The following KIAA1958 variants were observed in gnomAD, a reference collection of about 807,000 sequenced individuals.
KIAA1958 encodes KIAA1958.
KIAA1958 carries 14 observed loss-of-function variants against 47.2 expected under a neutral mutation model. The observed-to-expected ratio is 0.30, with a 90% CI of 0.20 to 0.46. KIAA1958 has a LOEUF of 0.46. Ranked by LOEUF, KIAA1958 falls within the 20% of genes least tolerant of loss-of-function variation. The pLI, the probability that KIAA1958 is intolerant of heterozygous loss-of-function variation, is 1.00. For synonymous variants in KIAA1958, 354 were observed against 353.3 expected, an observed-to-expected ratio of 1.00 and a Z score of -0.02; for missense variants, 803 against 909.2, an observed-to-expected ratio of 0.88 and a Z score of 1.50.
At chr9:112,627,432 C>A (rs1354245656) in intron 2 of KIAA1958, among the ~76,000 whole-genome samples, 1 of 152,130 alleles carries the variant, frequency 6.6e-6, no homozygotes, top group Non-Finnish European at 1.5e-5. Context: ...TGTTGGCTAT[C>A]ATGGCTTATT....
At chr9:112,585,452 G>A (rs545606957) in intron 2 of KIAA1958, among the ~76,000 whole-genome samples, 1 of 152,256 alleles carries the variant, frequency 6.6e-6, no homozygotes, top group Non-Finnish European at 1.5e-5. Flanking sequence ...GGAGCCAGGA[G>A]AGTTGCTGCT....
intron 1 of KIAA1958, among the ~76,000 whole-genome samples, chr9:112,495,481 C>G (rs1174715434): frequency 1.3e-5 from 2 of 152,122 alleles, no homozygotes; most frequent in African/African-American, 2.4e-5. Context: ...CCATTGTACA[C>G]TCACTAGAAT....
intron 1 of KIAA1958, among the ~76,000 whole-genome samples, chr9:112,573,583 T>C (rs1835577062): frequency 6.6e-6 from 1 of 152,188 alleles, no homozygotes; most frequent in Non-Finnish European, 1.5e-5. Flanking sequence ...CTAAACCTCC[T>C]TTGTTGGCTC....
At chr9:112,639,294 C>T (rs1350970712) in intron 2 of KIAA1958, among the ~76,000 whole-genome samples, 1 of 152,170 alleles carries the variant, frequency 6.6e-6, no homozygotes, top group Non-Finnish European at 1.5e-5. Flanking sequence ...GACTCCAACA[C>T]CCAACTGTGC....
intron 3 of KIAA1958, among the ~76,000 whole-genome samples, chr9:112,653,823 C>T (rs1276931328): frequency 2.6e-5 from 4 of 152,078 alleles, no homozygotes; most frequent in African/African-American, 7.2e-5. Context: ...TCGCTTGAAC[C>T]CGGGAGGTGG....
chr9:112,522,959 A>T (rs974699129), intron 1 of KIAA1958, among the ~76,000 whole-genome samples: 2 of 152,132 alleles, frequency 1.3e-5, no homozygotes, highest in African/African-American at 4.8e-5. Context: ...TTTAGAATGG[A>T]TAGTGGGAGT....
chr9:112,583,509 G>A (rs1005246717), intron 2 of KIAA1958, among the ~76,000 whole-genome samples: 1 of 152,098 alleles, frequency 6.6e-6, no homozygotes, highest in Non-Finnish European at 1.5e-5. Context: ...TATATAAAAG[G>A]AGATATGTAC....
chr9:112,574,554 T>C lies in KIAA1958; in HGVS notation c.474T>C (p.Ser158=). 6.2e-7 allele frequency: 1 copy of C among 1,614,140 alleles called. No homozygotes were observed. Among genetic ancestry groups the C allele is most frequent in the Non-Finnish European group, 8.5e-7 (1 of 1,180,008 alleles). The part of the protein sequence containing the change: ...VCESSVTDED[S]DFEPQTQRPQ... Reference sequence around the variant, plus strand: ...AGTCTTCTGTTACAGATGAGGATAGTGACTTTGAACCCCAAACCCAAAGGC... The same window carrying C: ...AGTCTTCTGTTACAGATGAGGATAGCGACTTTGAACCCCAAACCCAAAGGC... Residue 158 remains serine (S), a synonymous_variant, in exon 2 of 4, where the codon AGT becomes AGC. Transcript: ENST00000337530.
At chr9:112,571,993 C>G (rs150881604) in intron 1 of KIAA1958, among the ~76,000 whole-genome samples, 1 of 150,272 alleles carries the variant, frequency 6.7e-6, no homozygotes, top group African/African-American at 2.5e-5. Flanking sequence ...TGTAAGATCA[C>G]GTAGTCCTGG....
At chr9:112,592,048 G>A (rs1337906058) in intron 2 of KIAA1958, among the ~76,000 whole-genome samples, 1 of 152,108 alleles carries the variant, frequency 6.6e-6, no homozygotes, top group Non-Finnish European at 1.5e-5. Flanking sequence ...ATTCTGATTG[G>A]CTAATTTAAA....
chr9:112,583,320 G>A (rs756751815), intron 2 of KIAA1958, among the ~76,000 whole-genome samples: 2 of 152,160 alleles, frequency 1.3e-5, no homozygotes, highest in Non-Finnish European at 2.9e-5. Flanking sequence ...AAGGCAAAAA[G>A]TATTAATTTT....
intron 2 of KIAA1958, among the ~76,000 whole-genome samples, chr9:112,598,588 A>G (rs1836072385): frequency 6.6e-6 from 1 of 152,216 alleles, no homozygotes; most frequent in Non-Finnish European, 1.5e-5. Flanking sequence ...CCCTTATTCA[A>G]GTCTTAAAAT....
At chr9:112,606,637 A>G (rs992358452) in intron 2 of KIAA1958, among the ~76,000 whole-genome samples, 3 of 152,252 alleles carry the variant, frequency 2.0e-5, no homozygotes, top group African/African-American at 4.8e-5. Flanking sequence ...CATCAGCATT[A>G]GATAAAACAA....
At chr9:112,566,088 A>G (rs544747021) in intron 1 of KIAA1958, among the ~76,000 whole-genome samples, 91 of 152,084 alleles carry the variant, frequency 6.0e-4, no homozygotes, top group Middle Eastern at 3.4e-3. Context: ...TATTTTTAGT[A>G]GAGACGGGGT....
At chr9:112,546,209 C>G (rs1835029627) in intron 1 of KIAA1958, among the ~76,000 whole-genome samples, 1 of 151,960 alleles carries the variant, frequency 6.6e-6, no homozygotes, top group African/African-American at 2.4e-5. Context: ...CCTCACTGCT[C>G]ATTATATGCT....
intron 1 of KIAA1958, among the ~76,000 whole-genome samples, chr9:112,544,530 C>T (rs944780922): frequency 7.2e-6 from 1 of 139,582 alleles, no homozygotes; most frequent in African/African-American, 2.7e-5. Context: ...ATAAATAAGT[C>T]AGGATTGGTG....
chr9:112,513,393 G>T (rs1834356291), intron 1 of KIAA1958, among the ~76,000 whole-genome samples: 1 of 149,286 alleles, frequency 6.7e-6, no homozygotes, highest in South Asian at 2.1e-4. Context: ...CCATGCAGAG[G>T]CTCAGGGGAG....
chr9:112,572,813 A>G (rs976702033), intron 1 of KIAA1958, among the ~76,000 whole-genome samples: 3 of 152,214 alleles, frequency 2.0e-5, no homozygotes, highest in Non-Finnish European at 4.4e-5. Flanking sequence ...CAGAGACCTT[A>G]ATAGTATGTT....
intron 2 of KIAA1958, among the ~76,000 whole-genome samples, chr9:112,617,572 G>A (rs924288204): frequency 3.2e-4 from 48 of 152,258 alleles, no homozygotes; most frequent in African/African-American, 9.4e-4. Context: ...TTCCTAAAAC[G>A]AAGGCTGTCT....
Sources: gnomAD v4.1 joint callset for allele counts (sites outside exome capture counted in the v4.1 genomes callset) on GRCh38, gnomAD v4.1.1 for gene constraint, MANE v1.5 for transcripts, NCBI Gene and HGNC (gene_info 2026-07-23, HGNC 2026-07-21) for gene names.